Variants in CACNG6 observed in about 807,000 individuals in gnomAD.
CACNG6 encodes the protein voltage-dependent calcium channel gamma-6 subunit.
A neutral mutation model predicts 23.9 loss-of-function variants in CACNG6; 21 were observed. That is an observed-to-expected ratio of 0.88 (90% CI 0.62 to 1.26). The LOEUF (loss-of-function observed/expected upper bound fraction) is 1.26, where lower values mean the gene tolerates loss of function less well. CACNG6 is among the 50% of genes most tolerant of loss of function. The probability of loss-of-function intolerance (pLI) is 0.00; values close to 1 mark genes in which losing one functional copy is unlikely to be tolerated. For synonymous variants in CACNG6, 182 were observed against 168.9 expected, an observed-to-expected ratio of 1.08 and a Z score of -0.60; for missense variants, 340 against 352.9, an observed-to-expected ratio of 0.96 and a Z score of 0.29.
At chr19:54,001,262 C>T (rs1296719499) in intron 3 of CACNG6, among the ~76,000 whole-genome samples, 15 of 151,540 alleles carry the variant, frequency 9.9e-5, no homozygotes, top group Admixed American at 9.2e-4. Flanking sequence ...AATCTCAGCT[C>T]ACTGCAACCT....
chr19:54,002,271 T>G (rs2069584511), intron 3 of CACNG6, among the ~76,000 whole-genome samples: 1 of 135,480 alleles, frequency 7.4e-6, no homozygotes, highest in Admixed American at 7.5e-5. Context: ...TTTTCGGTTT[T>G]TTTGTTTTTT....
chr19:54,003,477 C>T (rs2069601463), intron 3 of CACNG6, among the ~76,000 whole-genome samples: 1 of 152,150 alleles, frequency 6.6e-6, no homozygotes, highest in African/African-American at 2.4e-5. Context: ...TCTCCTGCCA[C>T]AGCCTCGGAA....
At chr19:54,001,965 A>T (rs1600058322) in intron 3 of CACNG6, among the ~76,000 whole-genome samples, 1 of 152,130 alleles carries the variant, frequency 6.6e-6, no homozygotes, top group East Asian at 1.9e-4. Flanking sequence ...TCATCCATGT[A>T]TCTGTTAGTA....
chr19:53,991,360 G>A (rs540007618), upstream of CACNG6, among the ~76,000 whole-genome samples: 1 of 151,656 alleles, frequency 6.6e-6, no homozygotes, highest in Non-Finnish European at 1.5e-5. Flanking sequence ...TGCCCCGCCC[G>A]TCTCCTGCTG....
intron 3 of CACNG6, among the ~76,000 whole-genome samples, chr19:54,011,205 A>AAAAATATATATATATATATATATATATAT (rs58054808): frequency 2.0e-5 from 2 of 102,508 alleles, no homozygotes; most frequent in Non-Finnish European, 1.7e-5. Flanking sequence ...AAAAAAAAAA[A>AAAAATATATATATATATATATATATATAT]ATATATATAT....
intron 3 of CACNG6, among the ~76,000 whole-genome samples, chr19:54,008,017 C>A: frequency 6.6e-6 from 1 of 152,090 alleles, no homozygotes; most frequent in East Asian, 1.9e-4. Context: ...AAAGAAGGGG[C>A]TTTTAAATCA....
intron 3 of CACNG6, among the ~76,000 whole-genome samples, chr19:54,006,499 G>A (rs1329525012): frequency 6.8e-6 from 1 of 147,466 alleles, no homozygotes; most frequent in African/African-American, 2.5e-5. Context: ...ACTGGTCTGT[G>A]TCCCCAGTTC....
intron 3 of CACNG6, among the ~76,000 whole-genome samples, chr19:54,001,518 C>T (rs2069575919): frequency 6.6e-6 from 1 of 152,230 alleles, no homozygotes; most frequent in African/African-American, 2.4e-5. Context: ...TTTATATCAA[C>T]ACCTTCCTGT....
At chr19:54,001,255 C>T (rs1220184464) in intron 3 of CACNG6, among the ~76,000 whole-genome samples, 1 of 151,160 alleles carries the variant, frequency 6.6e-6, no homozygotes, top group African/African-American at 2.4e-5. Context: ...GTGGCACAAT[C>T]TCAGCTCACT....
intron 3 of CACNG6, among the ~76,000 whole-genome samples, chr19:54,007,384 C>T (rs1262559301): frequency 6.6e-6 from 1 of 152,142 alleles, no homozygotes; most frequent in Non-Finnish European, 1.5e-5. Flanking sequence ...CAAATACAGT[C>T]ATGTTCTGAG....
In CACNG6 at chr19:53,993,057, G is replaced by A; in HGVS notation, c.180G>A (p.Glu60=). Reference sequence around the variant, plus strand: ...TGGCGGTGCTGTCCGTGGGCACCGAGTTCTGGGTGGAGCTCAACACCTACA... The same window carrying A: ...TGGCGGTGCTGTCCGTGGGCACCGAATTCTGGGTGGAGCTCAACACCTACA... The part of the protein sequence containing the change: ...ATLAVLSVGT[E]FWVELNTYKA... The change falls in exon 1 of 4, where the codon GAG becomes GAA. Residue 60 remains glutamate, a synonymous_variant. Coordinates refer to ENST00000252729, the MANE Select transcript of CACNG6 (RefSeq NM_145814.2). The A allele has an allele frequency of 1.3e-6, 2 of 1,522,610 alleles. No individual in the cohort carries two copies. Among genetic ancestry groups the A allele is most frequent in the Non-Finnish European group, 1.8e-6 (2 of 1,134,756 alleles). The allele number at this position is 1,522,610 out of a possible 1,614,324, so 94.3% of individuals were successfully genotyped here.
rs998781294 is a variant in CACNG6, at chr19:53,993,194, C to T, written c.317C>T (p.Ala106Val). The T allele has an allele frequency of 6.5e-7, 1 of 1,540,162 alleles. No homozygotes were observed. Among genetic ancestry groups the T allele is most frequent in the Admixed American group, 2.0e-5 (1 of 50,808 alleles). Residue 106 changes from alanine (A) to valine (V), a missense_variant, in exon 1 of 4, where the codon GCG becomes GTG. Transcript: ENST00000252729. ...VPVDRDTCGPAELPGEANCTY... is the reference protein window; with the variant it reads ...VPVDRDTCGPVELPGEANCTY... ...GTGGACAGGGACACCTGCGGCCCCG[C>T]GGAGCTGCCCGGAGGTGAGCAGCCG...
At chr19:54,005,520 C>T (rs567918864) in intron 3 of CACNG6, among the ~76,000 whole-genome samples, 5 of 151,994 alleles carry the variant, frequency 3.3e-5, no homozygotes, top group Admixed American at 3.3e-4. Flanking sequence ...CTTTGGGAGG[C>T]TGAGGCGGGC....
chr19:54,011,327 G>GCTACT (rs1017424702), intron 3 of CACNG6, among the ~76,000 whole-genome samples: 5 of 145,630 alleles, frequency 3.4e-5, no homozygotes, highest in African/African-American at 1.3e-4. Flanking sequence ...TTGAACCCCA[G>GCTACT]CTACTCGGGA....
chr19:54,010,920 A>C (rs1157368487), intron 3 of CACNG6, among the ~76,000 whole-genome samples: 1 of 128,518 alleles, frequency 7.8e-6, no homozygotes, highest in East Asian at 2.5e-4. Context: ...ACTTGTACAT[A>C]TCTGTGGGAA....
intron 1 of CACNG6, 85 bp downstream of exon 1, chr19:53,993,293 C>A: frequency 7.3e-7 from 1 of 1,363,484 alleles, no homozygotes; most frequent in Non-Finnish European, 9.7e-7. Flanking sequence ...AAAACCCGCC[C>A]CAGGGACAAA....
At position 53,991,829 on chromosome 19, in the gene CACNG6, G is replaced by A. The variant is rs2069463560; in HGVS notation, c.-1049G>A. On this transcript the variant is annotated 5_prime_UTR_variant, in exon 1 of 4. Coordinates refer to ENST00000252729, the MANE Select transcript of CACNG6 (RefSeq NM_145814.2). Reference sequence around the variant, plus strand: ...GGGAAGGCCCTGGGAGCCCGGGGGAGGGAGACGGACTGATCCCGAAGGGGC... The same window carrying A: ...GGGAAGGCCCTGGGAGCCCGGGGGAAGGAGACGGACTGATCCCGAAGGGGC... Among the ~76,000 whole-genome samples, 1 of 152,200 alleles carries A rather than the reference G, an allele frequency of 6.6e-6. No individual in the cohort carries two copies. Among genetic ancestry groups the A allele is most frequent in the Non-Finnish European group, 1.5e-5 (1 of 68,026 alleles).
In CACNG6 at chr19:53,992,111, T is replaced by C. The variant is rs2069467152; in HGVS notation, c.-767T>C. 6.6e-6 allele frequency among the ~76,000 whole-genome samples: 1 copy of C among 152,176 alleles called. No individual in the cohort carries two copies. The highest frequency in any genetic ancestry group is 2.4e-5 in the African/African-American group (1 of 41,452). Reference sequence around the variant, plus strand: ...AATGGCAGGGGAGACCCCTATCCCCTTTTCCTGAATTCCAGCGAGGCCCAG... The same window carrying C: ...AATGGCAGGGGAGACCCCTATCCCCCTTTCCTGAATTCCAGCGAGGCCCAG... On this transcript the variant is annotated 5_prime_UTR_variant, in exon 1 of 4. Transcript: ENST00000252729. This position sits in a 1 kb window ranked among gnomAD's most constrained non-coding sequence, Gnocchi z 4.1.
chr19:54,004,613 GCCT>G (rs2069618882), intron 3 of CACNG6, among the ~76,000 whole-genome samples: 2 of 152,062 alleles, frequency 1.3e-5, no homozygotes, highest in African/African-American at 4.8e-5. Context: ...TGGTGGCAAG[GCCT>G]CGCGCGGGCT....
Sources: allele counts gnomAD v4.1 joint callset (sites outside exome capture counted in the v4.1 genomes callset), GRCh38; gene constraint gnomAD v4.1.1; non-coding constraint Gnocchi (gnomAD v3.1); transcripts MANE v1.5; gene names NCBI Gene and HGNC (gene_info 2026-07-23, HGNC 2026-07-21).